Variants in GRIK4 observed in about 807,000 individuals in gnomAD.
GRIK4 encodes the protein glutamate receptor ionotropic, kainate 4.
GRIK4 carries 40 observed loss-of-function variants against 104.9 expected under a neutral mutation model. The ratio of observed to expected loss-of-function variants is 0.38; its 90% CI spans 0.30 to 0.50. The LOEUF (loss-of-function observed/expected upper bound fraction) is 0.50. GRIK4 is among the 20% of genes least tolerant of loss of function. The pLI, the probability that GRIK4 is intolerant of heterozygous loss-of-function variation, is 0.93. For synonymous variants in GRIK4, 485 were observed against 524.9 expected (o/e 0.92, Z 1.04); for missense variants, 1,047 against 1,308.1 (o/e 0.80, Z 3.08).
chr11:120,642,327 C>T (rs1949480305), intron 1 of GRIK4, among the ~76,000 whole-genome samples: 2 of 152,032 alleles, frequency 1.3e-5, no homozygotes, highest in Non-Finnish European at 2.9e-5. Flanking sequence ...AGTAAGACCT[C>T]CATCTGTAAG....
intron 3 of GRIK4, among the ~76,000 whole-genome samples, chr11:120,704,595 G>C (rs1950600445): frequency 6.6e-6 from 1 of 152,202 alleles, no homozygotes; most frequent in Non-Finnish European, 1.5e-5. Context: ...TAGAATGTAA[G>C]CTCTGTGAGG....
chr11:120,830,393 T>A (rs1437275422), intron 6 of GRIK4, among the ~76,000 whole-genome samples: 1 of 152,166 alleles, frequency 6.6e-6, no homozygotes, highest in Non-Finnish European at 1.5e-5. Context: ...TGTGTCCCCG[T>A]GTCTCTGTTT....
At chr11:120,792,832 T>C (rs779599205) in intron 3 of GRIK4, among the ~76,000 whole-genome samples, 11 of 152,040 alleles carry the variant, frequency 7.2e-5, no homozygotes, top group Non-Finnish European at 1.2e-4. Context: ...CTGTTGGATA[T>C]AAGTAAAGCA....
intron 1 of GRIK4, among the ~76,000 whole-genome samples, chr11:120,573,546 G>A (rs1332303683): frequency 6.6e-6 from 1 of 152,158 alleles, no homozygotes; most frequent in African/African-American, 2.4e-5. Flanking sequence ...GCTCAAATTT[G>A]TCTCACTGGG....
At chr11:120,899,647 A>G (rs1182783823) in intron 12 of GRIK4, among the ~76,000 whole-genome samples, 3 of 152,150 alleles carry the variant, frequency 2.0e-5, no homozygotes, top group African/African-American at 4.8e-5. Context: ...TACATGGCCA[A>G]GGTATTATTT....
chr11:120,823,853 C>G (rs1161625330), intron 6 of GRIK4, among the ~76,000 whole-genome samples: 1 of 152,188 alleles, frequency 6.6e-6, no homozygotes, highest in African/African-American at 2.4e-5. Flanking sequence ...CTGGAACTCA[C>G]CTGCTGAGGC....
chr11:120,742,507 T>A (rs1338287452), intron 3 of GRIK4, among the ~76,000 whole-genome samples: 4 of 77,598 alleles, frequency 5.2e-5, no homozygotes, highest in Non-Finnish European at 1.2e-4. Flanking sequence ...GAATGGCTAT[T>A]ATTATTATTA....
intron 14 of GRIK4, among the ~76,000 whole-genome samples, chr11:120,944,431 A>G (rs1342035097): frequency 1.3e-5 from 2 of 152,112 alleles, no homozygotes; most frequent in Non-Finnish European, 2.9e-5. Flanking sequence ...CTGTGTCACA[A>G]GCTGAATTCT....
At chr11:120,775,573 A>G (rs920782715) in intron 3 of GRIK4, among the ~76,000 whole-genome samples, 3 of 152,266 alleles carry the variant, frequency 2.0e-5, no homozygotes, top group African/African-American at 7.2e-5. Flanking sequence ...TACTACGTGT[A>G]TGGAACAAAG....
intron 11 of GRIK4, among the ~76,000 whole-genome samples, chr11:120,875,454 A>C (rs1032763285): frequency 2.0e-5 from 3 of 152,140 alleles, no homozygotes; most frequent in Non-Finnish European, 2.9e-5. Flanking sequence ...CAAAATACTA[A>C]GAAGGAGAGA....
At position 120,905,626 on chromosome 11, in the gene GRIK4, A is replaced by C. The variant is rs1044161804; in HGVS notation, c.1476+133A>C. Reference sequence around the variant, plus strand: ...TCATGCATTTGTCATTTATTTGTCCACTCATTCTATAAATCTTGCCTGGAC... The same window carrying C: ...TCATGCATTTGTCATTTATTTGTCCCCTCATTCTATAAATCTTGCCTGGAC... On this transcript the variant is annotated intron_variant, in intron 13 of 20. Coordinates refer to ENST00000527524, the MANE Select transcript of GRIK4 (RefSeq NM_014619.5). This position sits in a 1 kb window ranked among gnomAD's most constrained non-coding sequence, Gnocchi z 5.1. The C allele has an allele frequency of 1.4e-6, 1 of 697,982 alleles. No individual in the cohort carries two copies. The highest frequency in any genetic ancestry group is 2.1e-5 in the Admixed American group (1 of 46,650). The allele number at this position is 697,982 out of a possible 1,614,324, so 43.2% of individuals were successfully genotyped here.
At chr11:120,580,246 T>TCTTTCTTC (rs1948557771) in intron 1 of GRIK4, among the ~76,000 whole-genome samples, 2 of 143,892 alleles carry the variant, frequency 1.4e-5, no homozygotes, top group Non-Finnish European at 3.0e-5. Context: ...TTTCTTTCTT[T>TCTTTCTTC]CTTTCTTTTT....
At chr11:120,595,858 A>G (rs565769560) in intron 1 of GRIK4, among the ~76,000 whole-genome samples, 6 of 151,740 alleles carry the variant, frequency 4.0e-5, no homozygotes, top group Non-Finnish European at 5.9e-5. Context: ...TATTATTTCT[A>G]TTTTTCGAGA....
chr11:120,981,497 TG>T (rs1319430315), intron 19 of GRIK4, among the ~76,000 whole-genome samples: 2 of 152,204 alleles, frequency 1.3e-5, no homozygotes, highest in African/African-American at 2.4e-5. Flanking sequence ...TGAGTAGGTC[TG>T]GGGTAAGGAC....
At chr11:120,521,237 G>A (rs1591671238) in intron 1 of GRIK4, among the ~76,000 whole-genome samples, 1 of 151,938 alleles carries the variant, frequency 6.6e-6, no homozygotes, top group African/African-American at 2.4e-5. Context: ...CATGCCTGGC[G>A]AATATTTTGA....
chr11:120,624,132 C>G (rs1011627181), intron 1 of GRIK4, among the ~76,000 whole-genome samples: 3 of 152,274 alleles, frequency 2.0e-5, no homozygotes, highest in African/African-American at 7.2e-5. Flanking sequence ...TAGAGTAACA[C>G]AAGATAGTGT....
At chr11:120,517,050 G>A (rs1016263013) in intron 1 of GRIK4, among the ~76,000 whole-genome samples, 2 of 142,792 alleles carry the variant, frequency 1.4e-5, no homozygotes, top group Non-Finnish European at 3.0e-5. Context: ...GCCAGCCCTC[G>A]CCGCCCTCCC....
intron 1 of GRIK4, among the ~76,000 whole-genome samples, chr11:120,565,189 T>A (rs1365929564): frequency 6.6e-6 from 1 of 151,884 alleles, no homozygotes; most frequent in East Asian, 2.0e-4. Context: ...CGCCCAGCTG[T>A]CCCGGCCGCC....
chr11:120,864,209 AT>A (rs1302417311), intron 9 of GRIK4, among the ~76,000 whole-genome samples: 6 of 10,460 alleles, frequency 5.7e-4, no homozygotes, highest in African/African-American at 1.8e-3. Context: ...TTTTATTTTT[AT>A]TTATTTATTT....
Sources: gnomAD v4.1 joint callset for allele counts (sites outside exome capture counted in the v4.1 genomes callset) on GRCh38, gnomAD v4.1.1 for gene constraint, Gnocchi (gnomAD v3.1) non-coding constraint, MANE v1.5 for transcripts, NCBI Gene and HGNC (gene_info 2026-07-23, HGNC 2026-07-21) for gene names.